MAP6: variants seen among roughly 807,000 people sequenced by gnomAD.
MAP6 encodes microtubule-associated protein 6.
In MAP6, 26 loss-of-function variants were observed where a neutral mutation model predicts 42.4. That is an observed-to-expected ratio of 0.61 (90% confidence interval 0.45 to 0.85). The LOEUF is 0.85. Among genes scored for constraint, MAP6 ranks in the 40% least tolerant of loss-of-function variants. MAP6 has a pLI of 0.00. For missense variants in MAP6, 966 were observed against 1,099.0 expected (o/e 0.88, Z 1.71); for synonymous variants, 418 against 443.8 (o/e 0.94, Z 0.73).
At chr11:75,625,822 A>G (rs1443590299) in intron 1 of MAP6, among the ~76,000 whole-genome samples, 1 of 152,202 alleles carries the variant, frequency 6.6e-6, no homozygotes, top group Non-Finnish European at 1.5e-5. Flanking sequence ...ATGGTTGAAA[A>G]TAGGCTTGGC....
intron 1 of MAP6, among the ~76,000 whole-genome samples, chr11:75,665,148 T>C (rs1943925798): frequency 6.6e-6 from 1 of 152,180 alleles, no homozygotes; most frequent in African/African-American, 2.4e-5. Flanking sequence ...AAATAATCAT[T>C]CTCACCAGCT....
chr11:75,605,489 G>C (rs941892949), intron 3 of MAP6: 2 of 1,132,136 alleles, frequency 1.8e-6, no homozygotes, highest in African/African-American at 1.6e-5. Flanking sequence ...GCACTGCCGG[G>C]AGATTCGTTT....
rs768642725 is a variant in MAP6, at chr11:75,608,339, G to A, written c.906-17C>T. On this transcript the variant is annotated splice_polypyrimidine_tract_variant and intron_variant, in intron 1 of 3. Coordinates refer to ENST00000304771, the MANE Select transcript of MAP6 (RefSeq NM_033063.2). Reference sequence around the variant, plus strand: ...AATTCATTCCTGTTAGTCAAAGAAAGCATATGTGATATGAAGCATCATCTG... The same window carrying A: ...AATTCATTCCTGTTAGTCAAAGAAAACATATGTGATATGAAGCATCATCTG... 2.5e-6 allele frequency: 4 copies of A among 1,605,622 alleles called. No homozygotes were observed. Among genetic ancestry groups the A allele is most frequent in the Non-Finnish European group, 3.4e-6 (4 of 1,172,508 alleles).
intron 3 of MAP6, among the ~76,000 whole-genome samples, chr11:75,600,524 G>C (rs1942647927): frequency 6.6e-6 from 1 of 152,192 alleles, no homozygotes. Flanking sequence ...GGTTCTGTGA[G>C]AGTGGAGTTT....
chr11:75,599,555 CA>C, intron 3 of MAP6, among the ~76,000 whole-genome samples: 1 of 152,288 alleles, frequency 6.6e-6, no homozygotes, highest in East Asian at 1.9e-4. Flanking sequence ...ACGTCTGAGC[CA>C]GATGTATATA....
intron 1 of MAP6, among the ~76,000 whole-genome samples, chr11:75,625,601 G>A (rs1943181295): frequency 6.6e-6 from 1 of 152,142 alleles, no homozygotes; most frequent in African/African-American, 2.4e-5. Context: ...TAACAAACAG[G>A]AGGACCAGAA....
chr11:75,607,407 A>G, intron 2 of MAP6: 1 of 985,470 alleles, frequency 1.0e-6, no homozygotes. Flanking sequence ...TGCATGGCTT[A>G]TATGATTCCT....
intron 1 of MAP6, among the ~76,000 whole-genome samples, chr11:75,654,818 A>T (rs1035385202): frequency 4.6e-5 from 7 of 152,174 alleles, no homozygotes; most frequent in African/African-American, 1.7e-4. Flanking sequence ...TGATGAGAAA[A>T]ATAAAGACTT....
intron 1 of MAP6, among the ~76,000 whole-genome samples, chr11:75,633,756 T>C (rs999172415): frequency 6.6e-5 from 10 of 152,058 alleles, no homozygotes; most frequent in Non-Finnish European, 1.3e-4. Context: ...GGCCGGAGGA[T>C]GTGTCTGAGG....
chr11:75,620,589 C>T (rs1943090727), intron 1 of MAP6, among the ~76,000 whole-genome samples: 1 of 151,852 alleles, frequency 6.6e-6, no homozygotes, highest in Non-Finnish European at 1.5e-5. Context: ...GATACCAAGC[C>T]AGTCAAAGAC....
chr11:75,653,215 C>T (rs1291780684), intron 1 of MAP6, among the ~76,000 whole-genome samples: 2 of 152,106 alleles, frequency 1.3e-5, no homozygotes, highest in Non-Finnish European at 2.9e-5. Context: ...TGTGCCAGGC[C>T]CAAGAAAGGG....
At chr11:75,619,285 C>T (rs559774097) in intron 1 of MAP6, among the ~76,000 whole-genome samples, 6 of 152,062 alleles carry the variant, frequency 3.9e-5, no homozygotes, top group Non-Finnish European at 5.9e-5. Flanking sequence ...AATAGAAAAC[C>T]TGAATAAACC....
chr11:75,655,653 G>T lies in MAP6; in HGVS notation c.905+11812C>A, dbSNP rs547111062. On this transcript the variant is annotated intron_variant, in intron 1 of 3. Coordinates refer to ENST00000304771, the MANE Select transcript of MAP6 (RefSeq NM_033063.2). ...GACCACCCACCCCTCCTCCACTGTA[G>T]AAACAAGATTAGTGGAGGGAGATGG... 2.2e-4 allele frequency among the ~76,000 whole-genome samples: 34 copies of T among 152,356 alleles called. No individual in the cohort carries two copies. The South Asian group carries it at 6.4e-3, about 29-fold the overall frequency.
Position 75,608,180 on chromosome 11 carries a change from C to T in MAP6, c.1048G>A (p.Ala350Thr). 1 of 1,614,230 alleles carries T rather than the reference C, an allele frequency of 6.2e-7. No homozygotes were observed. Among genetic ancestry groups the T allele is most frequent in the South Asian group, 1.1e-5 (1 of 91,080 alleles). The part of the protein sequence containing the change: ...FKGEASKPTT[A>T]DNKVIDRRRI... The stretch of plus-strand genomic sequence containing the variant: ...CTGCGATCAATGACCTTATTGTCAG[C>T]TGTTGTTGGCTTGCTGGCCTCTCCT... The change falls in exon 2 of 4, where the codon GCT (alanine) becomes ACT (threonine). Residue 350 changes from alanine (A) to threonine (T), a missense_variant. By Grantham distance (58) the Ala-to-Thr change is moderately conservative. Transcript: ENST00000304771.
At chr11:75,640,815 A>G (rs1023045969) in intron 1 of MAP6, among the ~76,000 whole-genome samples, 5 of 152,236 alleles carry the variant, frequency 3.3e-5, no homozygotes, top group Non-Finnish European at 5.9e-5. Context: ...AATGGCGATC[A>G]TTAAAAAGTC....
intron 3 of MAP6, chr11:75,602,805 G>A (rs990616728): frequency 2.5e-5 from 25 of 984,014 alleles, no homozygotes; most frequent in Non-Finnish European, 3.0e-5. Context: ...AATGCAAAAG[G>A]TTCATTCCTT....
chr11:75,612,592 C>A (rs929833685), intron 1 of MAP6, among the ~76,000 whole-genome samples: 7 of 152,136 alleles, frequency 4.6e-5, no homozygotes, highest in African/African-American at 1.4e-4. Context: ...GCTCAGGGTG[C>A]AGGCTGGGGT....
intron 1 of MAP6, among the ~76,000 whole-genome samples, chr11:75,645,522 G>T (rs1241480522): frequency 2.6e-5 from 4 of 152,104 alleles, no homozygotes; most frequent in South Asian, 2.1e-4. Flanking sequence ...TCTCAGGAAT[G>T]AAAGCACAAT....
chr11:75,589,398 A>C (rs1277547057), intron 3 of MAP6, among the ~76,000 whole-genome samples: 2 of 152,234 alleles, frequency 1.3e-5, no homozygotes, highest in Non-Finnish European at 2.9e-5. Flanking sequence ...TTGGAAGTCG[A>C]GAGAGTGGCA....
Sources: gnomAD v4.1 joint callset for allele counts (sites outside exome capture counted in the v4.1 genomes callset) on GRCh38, gnomAD v4.1.1 for gene constraint, MANE v1.5 for transcripts, NCBI Gene and HGNC (gene_info 2026-07-23, HGNC 2026-07-21) for gene names.